The following NRCAM variants were observed in gnomAD, a reference collection of about 807,000 sequenced individuals.
The protein encoded by NRCAM is neuronal cell adhesion molecule, also known as NgCAM-related cell adhesion molecule.
A neutral mutation model predicts 156.5 loss-of-function variants in NRCAM; 83 were observed. The observed-to-expected ratio is 0.53, with a 90% CI of 0.44 to 0.64. The LOEUF is 0.64. NRCAM is among the 30% of genes least tolerant of loss of function. NRCAM has a pLI of 0.00. For missense variants in NRCAM, 1,417 were observed against 1,597.3 expected (o/e 0.89, Z 1.92); for synonymous variants, 538 against 563.9 (o/e 0.95, Z 0.65).
chr7:108,447,911 A>G (rs945139904), intron 1 of NRCAM, among the ~76,000 whole-genome samples: 1 of 152,174 alleles, frequency 6.6e-6, no homozygotes, highest in Non-Finnish European at 1.5e-5. Flanking sequence ...ATAGCCATAA[A>G]AACTTTTATT....
chr7:108,218,171 G>GC (rs1168699697), intron 11 of NRCAM, among the ~76,000 whole-genome samples: 1 of 112,150 alleles, frequency 8.9e-6, no homozygotes, highest in African/African-American at 4.0e-5. Flanking sequence ...GCTTCCCTTG[G>GC]CTGGGGGGGG....
intron 1 of NRCAM, among the ~76,000 whole-genome samples, chr7:108,411,681 C>T (rs1795514048): frequency 6.6e-6 from 1 of 152,132 alleles, no homozygotes; most frequent in African/African-American, 2.4e-5. Flanking sequence ...AGGTGTGCGC[C>T]ACCACGCCCG....
chr7:108,277,342 T>C (rs189980187), intron 3 of NRCAM, among the ~76,000 whole-genome samples: 9 of 152,324 alleles, frequency 5.9e-5, no homozygotes. Flanking sequence ...TCTAACTTGG[T>C]TCCATTCTCC....
At chr7:108,450,614 T>TAA (rs11452977) in intron 1 of NRCAM, among the ~76,000 whole-genome samples, 7 of 151,996 alleles carry the variant, frequency 4.6e-5, no homozygotes, top group African/African-American at 7.3e-5. Flanking sequence ...TTTTTGGCAG[T>TAA]AAAAAAAGCA....
At chr7:108,262,504 T>C (rs185325200) in intron 3 of NRCAM, among the ~76,000 whole-genome samples, 1 of 152,286 alleles carries the variant, frequency 6.6e-6, no homozygotes, top group East Asian at 1.9e-4. Flanking sequence ...ACAGCAAGAA[T>C]TCAAACTAGA....
At chr7:108,218,011 G>A (rs184277825) in intron 11 of NRCAM, among the ~76,000 whole-genome samples, 34 of 152,182 alleles carry the variant, frequency 2.2e-4, no homozygotes, top group Admixed American at 1.2e-3. Flanking sequence ...CCAAATGGTC[G>A]CCCAGTTTTT....
chr7:108,172,006 T>C (rs1048045824), intron 28 of NRCAM, among the ~76,000 whole-genome samples: 5 of 152,230 alleles, frequency 3.3e-5, no homozygotes, highest in East Asian at 1.9e-4. Context: ...TCACTCCTAA[T>C]TGGTTGACCA....
chr7:108,246,922 G>A lies in NRCAM; in HGVS notation c.-106-6752C>T, dbSNP rs918677292. Among the ~76,000 whole-genome samples, 4 of 152,162 alleles carry A rather than the reference G, an allele frequency of 2.6e-5. No homozygotes were observed. In the East Asian group the frequency reaches 7.7e-4, roughly 29 times the overall value. On this transcript the variant is annotated intron_variant, in intron 3 of 32. Transcript: ENST00000379028. ...GGCCATGTCACATGCTTTGGCCAGT[G>A]GGATTTTTAGCAAGCAATATGTGAA...
At chr7:108,203,821 G>C (rs564946575) in intron 13 of NRCAM, among the ~76,000 whole-genome samples, 36 of 152,304 alleles carry the variant, frequency 2.4e-4, no homozygotes, top group African/African-American at 8.2e-4. Context: ...TGGTCCACCT[G>C]CAATTTCTGC....
chr7:108,262,418 T>A lies in NRCAM; in HGVS notation c.-106-22248A>T, dbSNP rs10216147. Among the ~76,000 whole-genome samples, 956 of 152,234 alleles carry A rather than the reference T, an allele frequency of 6.3e-3. 10 individuals carry two copies. The highest frequency in any genetic ancestry group is 0.022 in the African/African-American group (906 of 41,530). ...TGAGAACTTTTGTGCCTACCCTTTT[T>A]TTGGTTCTCTCACTTGTCTCCTTTA... On this transcript the variant is annotated intron_variant, in intron 3 of 32. Coordinates refer to ENST00000379028, the MANE Select transcript of NRCAM (RefSeq NM_001037132.4).
intron 1 of NRCAM, among the ~76,000 whole-genome samples, chr7:108,404,879 C>T (rs985072199): frequency 7.9e-5 from 12 of 152,116 alleles, no homozygotes; most frequent in African/African-American, 2.2e-4. Context: ...AGTTTTGGAA[C>T]GTTTTCTGGC....
intron 2 of NRCAM, among the ~76,000 whole-genome samples, chr7:108,334,623 A>G (rs1231379670): frequency 6.6e-6 from 1 of 152,134 alleles, no homozygotes; most frequent in Non-Finnish European, 1.5e-5. Flanking sequence ...CATTTGCCCC[A>G]TGACAATTTA....
chr7:108,245,274 C>T (rs1179438542), intron 3 of NRCAM, among the ~76,000 whole-genome samples: 1 of 152,128 alleles, frequency 6.6e-6, no homozygotes, highest in Non-Finnish European at 1.5e-5. Flanking sequence ...CCTATATCCT[C>T]TTATTTTTTA....
intron 1 of NRCAM, among the ~76,000 whole-genome samples, chr7:108,436,430 G>C (rs1832294858): frequency 6.6e-6 from 1 of 152,090 alleles, no homozygotes; most frequent in Admixed American, 6.5e-5. Flanking sequence ...ATGTTCCAAA[G>C]AGCTGTGGCC....
chr7:108,271,017 C>T (rs2097325378), intron 3 of NRCAM, among the ~76,000 whole-genome samples: 1 of 152,118 alleles, frequency 6.6e-6, no homozygotes, highest in South Asian at 2.1e-4. Context: ...CCAGCTCTTT[C>T]AGAATTTGTC....
At chr7:108,278,701 C>A (rs1271330016) in intron 3 of NRCAM, among the ~76,000 whole-genome samples, 1 of 152,228 alleles carries the variant, frequency 6.6e-6, no homozygotes, top group African/African-American at 2.4e-5. Flanking sequence ...CCCCCTGACC[C>A]CTTGCGCTTC....
At chr7:108,404,638 C>T (rs1050665237) in intron 1 of NRCAM, among the ~76,000 whole-genome samples, 2 of 152,148 alleles carry the variant, frequency 1.3e-5, no homozygotes, top group African/African-American at 4.8e-5. Context: ...TTACTCCATC[C>T]TAAATACCGT....
chr7:108,452,351 G>T (rs530626045), intron 1 of NRCAM, among the ~76,000 whole-genome samples: 7 of 152,008 alleles, frequency 4.6e-5, no homozygotes, highest in Admixed American at 1.3e-4. Flanking sequence ...AAAATATCAT[G>T]TTGTACATAT....
intron 2 of NRCAM, among the ~76,000 whole-genome samples, chr7:108,338,238 G>A (rs888449956): frequency 2.0e-5 from 3 of 152,206 alleles, no homozygotes; most frequent in African/African-American, 7.2e-5. Flanking sequence ...CATACCTCCT[G>A]GGTCCTAACC....
Sources: gnomAD v4.1 joint callset for allele counts (sites outside exome capture counted in the v4.1 genomes callset) on GRCh38, gnomAD v4.1.1 for gene constraint, MANE v1.5 for transcripts, NCBI Gene and HGNC (gene_info 2026-07-23, HGNC 2026-07-21) for gene names.